CTNND1: variants seen among roughly 807,000 people sequenced by gnomAD.
The protein encoded by CTNND1 is catenin delta-1.
Under a neutral mutation model 112.1 loss-of-function variants are expected in CTNND1, and 16 were observed. The observed-to-expected ratio is 0.14, with a 90% confidence interval of 0.10 to 0.22. CTNND1 has a LOEUF of 0.22. Among genes scored for constraint, CTNND1 ranks in the 10% least tolerant of loss-of-function variants. The probability of loss-of-function intolerance (pLI) is 1.00; values close to 1 mark genes in which losing one functional copy is unlikely to be tolerated. For missense variants in CTNND1, 1,008 were observed against 1,257.0 expected, an observed-to-expected ratio of 0.80 and a Z score of 3.00; for synonymous variants, 420 against 446.5, an observed-to-expected ratio of 0.94 and a Z score of 0.75.
At position 57,808,263 on chromosome 11, in the gene CTNND1, A is replaced by C. The variant is rs1173967589; in HGVS notation, c.2062A>C (p.Ile688Leu). The C allele has an allele frequency of 6.2e-7, 1 of 1,613,762 alleles. No homozygotes were observed. Among genetic ancestry groups the C allele is most frequent in the Non-Finnish European group, 8.5e-7 (1 of 1,179,636 alleles). The change falls in exon 13 of 21, where the codon ATC (isoleucine) becomes CTC (leucine). Residue 688 changes from isoleucine (I) to leucine (L), a missense_variant. Physicochemically the swap from Ile to Leu is conservative, Grantham distance 5. This residue lies in a region of CTNND1 where 254 missense variants were observed against 279.5 expected (regional missense o/e 0.91). Coordinates refer to ENST00000399050, the MANE Select transcript of CTNND1 (RefSeq NM_001085458.2). ...CATCCTAGAAGCCTCAGCTGGAGCT[A>C]TCCAGAACTTGTGTGCTGGGCGCTG... Reference protein sequence around the residue: ...PAILEASAGAIQNLCAGRWTY... With the variant: ...PAILEASAGALQNLCAGRWTY...
chr11:57,765,908 C>T (rs1018711283), intron 1 of CTNND1, among the ~76,000 whole-genome samples: 93 of 152,234 alleles, frequency 6.1e-4, no homozygotes, highest in Non-Finnish European at 5.4e-4. Context: ...CGGTGGCTCA[C>T]GCCTGTGATC....
intron 1 of CTNND1, among the ~76,000 whole-genome samples, chr11:57,768,693 A>G (rs2037387768): frequency 6.6e-6 from 1 of 151,842 alleles, no homozygotes; most frequent in South Asian, 2.1e-4. Context: ...AAGCCCAGCC[A>G]GACATCATTC....
chr11:57,805,847 T>G, intron 9 of CTNND1, 35 bp from the exon 10 acceptor site: 1 of 1,600,896 alleles, frequency 6.2e-7, no homozygotes, highest in Non-Finnish European at 8.5e-7. Flanking sequence ...ACAATAGACA[T>G]TCTTTTTTCT....
At chr11:57,778,206 C>T (rs959711727) in intron 1 of CTNND1, among the ~76,000 whole-genome samples, 1 of 151,908 alleles carries the variant, frequency 6.6e-6, no homozygotes, top group Non-Finnish European at 1.5e-5. Context: ...GGGTGGAGTC[C>T]GCTGCCTTTG....
At position 57,765,898 on chromosome 11, in the gene CTNND1, C is replaced by T. The variant is rs528725731; in HGVS notation, c.-214+3779C>T. ...TAAAAAGTAAGGATCTGGCCTGGTG[C>T]GGTGGCTCACGCCTGTGATCCCGGC... On this transcript the variant is annotated intron_variant, in intron 1 of 20. Coordinates refer to ENST00000399050, the MANE Select transcript of CTNND1 (RefSeq NM_001085458.2). 1.1e-4 allele frequency among the ~76,000 whole-genome samples: 16 copies of T among 152,220 alleles called. No individual in the cohort carries two copies. In the South Asian group the frequency reaches 3.3e-3, roughly 32 times the overall value.
chr11:57,792,441 G>T (rs145746036), intron 3 of CTNND1, among the ~76,000 whole-genome samples: 1 of 152,164 alleles, frequency 6.6e-6, no homozygotes, highest in African/African-American at 2.4e-5. Flanking sequence ...GTGTGCGCGC[G>T]CACTCGCGCA....
intron 18 of CTNND1, 68 bp from the exon 19 acceptor site, chr11:57,815,326 C>T (rs990689579): frequency 2.2e-6 from 2 of 893,398 alleles, no homozygotes; most frequent in Non-Finnish European, 3.4e-6. Context: ...TTACACCTAT[C>T]TGTTTGATAT....
At chr11:57,792,792 G>A (rs1001520516) in intron 3 of CTNND1, among the ~76,000 whole-genome samples, 1 of 150,866 alleles carries the variant, frequency 6.6e-6, no homozygotes, top group Non-Finnish European at 1.5e-5. Flanking sequence ...GCCTCCCAAA[G>A]TACTGGGATT....
chr11:57,771,410 G>A (rs1344192685), intron 1 of CTNND1, among the ~76,000 whole-genome samples: 1 of 141,162 alleles, frequency 7.1e-6, no homozygotes, highest in Non-Finnish European at 1.5e-5. Context: ...TCAGGGTGGG[G>A]GTGAGGTTAT....
intron 1 of CTNND1, among the ~76,000 whole-genome samples, chr11:57,775,362 C>CACAG (rs1953946184): frequency 6.7e-6 from 1 of 149,908 alleles, no homozygotes; most frequent in Non-Finnish European, 1.5e-5. Flanking sequence ...CACACACACA[C>CACAG]ACACACAAAA....
intron 9 of CTNND1, 61 bp downstream of exon 9, chr11:57,804,841 CTG>C (rs1255444192): frequency 2.4e-5 from 30 of 1,235,858 alleles, no homozygotes; most frequent in Non-Finnish European, 3.4e-5. Context: ...TATGAAGTAT[CTG>C]TAGGTCAGAG....
intron 18 of CTNND1, among the ~76,000 whole-genome samples, chr11:57,815,168 T>C (rs935284114): frequency 6.6e-6 from 1 of 152,174 alleles, no homozygotes; most frequent in Non-Finnish European, 1.5e-5. Flanking sequence ...CCTTAAGTGA[T>C]CTGCCCGTCT....
At chr11:57,790,417 A>C (rs1158257761) in intron 2 of CTNND1, among the ~76,000 whole-genome samples, 1 of 140,840 alleles carries the variant, frequency 7.1e-6, no homozygotes, top group Non-Finnish European at 1.5e-5. Flanking sequence ...GGAGTCTTGC[A>C]TTGTCGCCCC....
At chr11:57,800,703 A>G (rs1012941887) in intron 6 of CTNND1, among the ~76,000 whole-genome samples, 10 of 152,210 alleles carry the variant, frequency 6.6e-5, no homozygotes, top group African/African-American at 4.8e-5. Context: ...GTATTTGTTG[A>G]CAGTGGGAGT....
chr11:57,773,488 G>C (rs1047457669), intron 1 of CTNND1, among the ~76,000 whole-genome samples: 3 of 147,370 alleles, frequency 2.0e-5, no homozygotes, highest in African/African-American at 7.5e-5. Context: ...TTAAGCTCTT[G>C]TTGCCCAGGC....
intron 1 of CTNND1, among the ~76,000 whole-genome samples, chr11:57,770,805 G>C (rs182685149): frequency 9.2e-5 from 14 of 152,266 alleles, no homozygotes; most frequent in African/African-American, 3.4e-4. Flanking sequence ...CAAAGCACCT[G>C]CAGTTCCCAT....
At chr11:57,805,860 T>C (rs752315986) in intron 9 of CTNND1, 22 bp from the exon 10 acceptor site, 2 of 1,607,212 alleles carry the variant, frequency 1.2e-6, no homozygotes, top group South Asian at 2.2e-5. Flanking sequence ...TTTTTTCTCA[T>C]TGGCCCTTTT....
At position 57,805,968 on chromosome 11, in the gene CTNND1, A is replaced by C. The variant is rs1393926517; in HGVS notation, c.1809A>C (p.Ala603=). 6.2e-7 allele frequency: 1 copy of C among 1,613,110 alleles called. No individual in the cohort carries two copies. The change falls in exon 10 of 21, where the codon GCA becomes GCC. Residue 603 remains alanine, a synonymous_variant. Transcript: ENST00000399050. The stretch of plus-strand genomic sequence containing the variant: ...CACAGGCAGAGCGTTACCAAGAGGC[A>C]GCTCCCAATGTTGCCAACAATACTG... ...EIPQAERYQE[A]APNVANNTGP...
intron 2 of CTNND1, among the ~76,000 whole-genome samples, chr11:57,790,182 C>A (rs1245830243): frequency 6.6e-6 from 1 of 151,930 alleles, no homozygotes; most frequent in African/African-American, 2.4e-5. Context: ...CCTGGGTTCA[C>A]GCAATTCTCA....
Sources: gnomAD v4.1 joint callset for allele counts (sites outside exome capture counted in the v4.1 genomes callset) on GRCh38, gnomAD v4.1.1 for gene constraint, gnomAD v4.1.1 regional missense constraint, MANE v1.5 for transcripts, NCBI Gene and HGNC (gene_info 2026-07-23, HGNC 2026-07-21) for gene names.